SRGAP2: variants seen among roughly 807,000 people sequenced by gnomAD.
The protein encoded by SRGAP2 is SLIT-ROBO Rho GTPase activating protein 2.
SRGAP2 carries 15 observed loss-of-function variants against 57.2 expected under a neutral mutation model. The observed-to-expected ratio is 0.26, with a 90% CI of 0.18 to 0.40. The LOEUF is 0.40. Ranked by LOEUF, SRGAP2 falls within the 10% of genes least tolerant of loss-of-function variation. SRGAP2 has a pLI of 1.00. For missense variants in SRGAP2, 520 were observed against 669.6 expected (o/e 0.78, Z 2.47); for synonymous variants, 249 against 248.0 (o/e 1.00, Z -0.04).
chr1:206,334,026 G>A (rs1383732599), intron 3 of SRGAP2, among the ~76,000 whole-genome samples: 4 of 151,962 alleles, frequency 2.6e-5, no homozygotes, highest in African/African-American at 9.7e-5. Flanking sequence ...ATACAAATTT[G>A]GTCATTCAGT....
intron 4 of SRGAP2, among the ~76,000 whole-genome samples, chr1:206,350,880 G>A (rs75526105): frequency 6.6e-6 from 1 of 151,858 alleles, no homozygotes; most frequent in African/African-American, 2.4e-5. Context: ...AATGTAAGAG[G>A]CTCAGTTAAT....
chr1:206,240,558 T>C (rs539919049), intron 2 of SRGAP2, among the ~76,000 whole-genome samples: 79 of 152,242 alleles, frequency 5.2e-4, no homozygotes, highest in Admixed American at 2.6e-3. Context: ...CTTCTTTAGT[T>C]TCATATCCAG....
At chr1:206,291,403 C>A (rs1671312005) in intron 2 of SRGAP2, among the ~76,000 whole-genome samples, 1 of 152,154 alleles carries the variant, frequency 6.6e-6, no homozygotes, top group African/African-American at 2.4e-5. Context: ...TTCTCCATCT[C>A]TTTTATTCTT....
At chr1:206,424,925 CT>C (rs1553365795) in intron 13 of SRGAP2, among the ~76,000 whole-genome samples, 1 of 152,228 alleles carries the variant, frequency 6.6e-6, no homozygotes, top group Non-Finnish European at 1.5e-5. Flanking sequence ...GACAGGTCAT[CT>C]TTAGCCCACC....
chr1:206,421,352 T>C (rs1660288641), intron 13 of SRGAP2, 78 bp downstream of exon 13: 1 of 679,718 alleles, frequency 1.5e-6, no homozygotes, highest in Non-Finnish European at 2.7e-6. Flanking sequence ...AGCGCCACTG[T>C]GTGCAGGACA....
At chr1:206,369,387 A>G (rs1258427507) in intron 4 of SRGAP2, among the ~76,000 whole-genome samples, 2 of 151,732 alleles carry the variant, frequency 1.3e-5, no homozygotes, top group Non-Finnish European at 2.9e-5. Flanking sequence ...GCGACAAAAG[A>G]AAAAATAAAT....
chr1:206,437,949 G>T lies in SRGAP2; in HGVS notation c.1634-15G>T. On this transcript the variant is annotated splice_polypyrimidine_tract_variant and intron_variant, in intron 15 of 22. Coordinates refer to ENST00000573034, the MANE Select transcript of SRGAP2 (RefSeq NM_015326.5). ...CTCACTCTCTTTCCTTTTCGTGGGGGTTGCTTATCCTCAGGAGAGGACCCC... is the reference window on the plus strand; with the variant it reads ...CTCACTCTCTTTCCTTTTCGTGGGGTTTGCTTATCCTCAGGAGAGGACCCC... 1 of 780,488 alleles carries T rather than the reference G, an allele frequency of 1.3e-6. No homozygotes were observed. Among genetic ancestry groups the T allele is most frequent in the South Asian group, 1.3e-5 (1 of 74,606 alleles). 48.3% of individuals were successfully genotyped at this position (780,488 alleles called of 1,614,324 possible).
intron 13 of SRGAP2, among the ~76,000 whole-genome samples, chr1:206,427,316 T>G (rs1301843327): frequency 2.0e-5 from 3 of 152,146 alleles, no homozygotes; most frequent in African/African-American, 4.8e-5. Flanking sequence ...AGACAAAGAT[T>G]CTTCCCCTGA....
intron 14 of SRGAP2, among the ~76,000 whole-genome samples, chr1:206,435,199 A>G (rs1329360785): frequency 6.6e-6 from 1 of 152,192 alleles, no homozygotes; most frequent in Non-Finnish European, 1.5e-5. Flanking sequence ...TTTCAGTTGG[A>G]TTCAAAATAT....
At chr1:206,245,001 T>A (rs1355442437) in intron 2 of SRGAP2, among the ~76,000 whole-genome samples, 7 of 146,876 alleles carry the variant, frequency 4.8e-5, no homozygotes, top group Non-Finnish European at 1.0e-4. Flanking sequence ...AAGATCCCCA[T>A]TACTTTTCAC....
chr1:206,329,794 T>A (rs1334548961), intron 3 of SRGAP2, among the ~76,000 whole-genome samples: 2 of 145,684 alleles, frequency 1.4e-5, no homozygotes, highest in Non-Finnish European at 3.0e-5. Flanking sequence ...GAATACCCTT[T>A]ATTTCCTTCT....
chr1:206,298,585 C>T (rs1455703923), intron 2 of SRGAP2, among the ~76,000 whole-genome samples: 1 of 152,004 alleles, frequency 6.6e-6, no homozygotes, highest in Non-Finnish European at 1.5e-5. Context: ...GGTTGAGCAA[C>T]AATCATCACT....
chr1:206,427,047 G>A (rs538562828), intron 13 of SRGAP2, among the ~76,000 whole-genome samples: 239 of 151,850 alleles, frequency 1.6e-3, no homozygotes, highest in African/African-American at 5.2e-3. Context: ...GCCCAGACCA[G>A]TACCCTTGAA....
intron 19 of SRGAP2, among the ~76,000 whole-genome samples, chr1:206,451,802 C>T (rs1446616890): frequency 1.3e-5 from 2 of 152,054 alleles, no homozygotes; most frequent in African/African-American, 2.4e-5. Flanking sequence ...TCAGGGAGGT[C>T]GAGTAACGTA....
rs557369101 is a variant in SRGAP2, at chr1:206,386,278, T to C, written c.486+2202T>C. 6.6e-5 allele frequency among the ~76,000 whole-genome samples: 10 copies of C among 152,064 alleles called. No homozygotes were observed. The South Asian group carries it at 1.7e-3, about 25-fold the overall frequency. On this transcript the variant is annotated intron_variant, in intron 5 of 22. Transcript: ENST00000573034. ...TCTGACCCACAAGATTGAGAAATGC[T>C]GGTCTAGTGACTAGAGTCTCCTGAA...
At chr1:206,374,533 TC>T (rs1553343789) in intron 4 of SRGAP2, among the ~76,000 whole-genome samples, 1 of 138,212 alleles carries the variant, frequency 7.2e-6, no homozygotes, top group Non-Finnish European at 1.5e-5. Context: ...TATTGATTTT[TC>T]TTTTTTCAAC....
At chr1:206,444,923 C>G (rs758078930) in intron 17 of SRGAP2, among the ~76,000 whole-genome samples, 2 of 152,032 alleles carry the variant, frequency 1.3e-5, no homozygotes, top group African/African-American at 4.8e-5. Context: ...TGCAGTGATT[C>G]GCAAACAGAC....
intron 10 of SRGAP2, among the ~76,000 whole-genome samples, chr1:206,412,230 C>G (rs1659284694): frequency 1.3e-5 from 2 of 152,146 alleles, no homozygotes; most frequent in African/African-American, 2.4e-5. Context: ...CAGTTAATAT[C>G]CAATTAGGAA....
At chr1:206,209,056 A>G (rs1445184874) in intron 2 of SRGAP2, among the ~76,000 whole-genome samples, 12 of 144,474 alleles carry the variant, frequency 8.3e-5, no homozygotes, top group African/African-American at 2.6e-4. Context: ...GGTACGGTCT[A>G]CTTCTCTGTG....
Sources: allele counts gnomAD v4.1 joint callset (sites outside exome capture counted in the v4.1 genomes callset), GRCh38; gene constraint gnomAD v4.1.1; transcripts MANE v1.5; gene names NCBI Gene and HGNC (gene_info 2026-07-23, HGNC 2026-07-21).